Variants in SLC14A2 observed in about 807,000 individuals in gnomAD.
SLC14A2 encodes the protein solute carrier family 14 member 2.
Under a neutral mutation model 104.6 loss-of-function variants are expected in SLC14A2, and 91 were observed. The ratio of observed to expected loss-of-function variants is 0.87; its 90% CI spans 0.73 to 1.04. The LOEUF is 1.04. Among genes scored for constraint, SLC14A2 ranks in the 50% least tolerant of loss-of-function variants. The pLI, the probability that SLC14A2 is intolerant of heterozygous loss-of-function variation, is 0.00. For synonymous variants in SLC14A2, 476 were observed against 466.4 expected (o/e 1.02, Z -0.27); for missense variants, 1,189 against 1,156.0 (o/e 1.03, Z -0.41).
intron 1 of SLC14A2, among the ~76,000 whole-genome samples, chr18:45,401,325 T>C (rs2086093589): frequency 6.6e-6 from 1 of 152,196 alleles, no homozygotes. Context: ...CCCAAAACAA[T>C]AGGTGCCATG....
chr18:45,351,648 G>T (rs1348349835), intron 1 of SLC14A2, among the ~76,000 whole-genome samples: 2 of 152,170 alleles, frequency 1.3e-5, no homozygotes, highest in African/African-American at 4.8e-5. Context: ...GAGCCACCAT[G>T]CCCAGCCTAC....
At chr18:45,257,099 C>T (rs2084487159) in intron 1 of SLC14A2, among the ~76,000 whole-genome samples, 1 of 152,206 alleles carries the variant, frequency 6.6e-6, no homozygotes, top group Admixed American at 6.5e-5. Context: ...GATGCCTCTA[C>T]CATGTTCTTC....
intron 2 of SLC14A2, among the ~76,000 whole-genome samples, chr18:45,503,360 TGC>T (rs2043229499): frequency 6.6e-6 from 1 of 152,216 alleles, no homozygotes; most frequent in African/African-American, 2.4e-5. Flanking sequence ...GGTCATCCCA[TGC>T]TCTGTGCTTA....
intron 1 of SLC14A2, among the ~76,000 whole-genome samples, chr18:45,402,872 G>A (rs1037792908): frequency 4.6e-5 from 7 of 152,224 alleles, no homozygotes; most frequent in Admixed American, 4.6e-4. Context: ...TCATTTCAGA[G>A]AGTGGTGACT....
intron 1 of SLC14A2, among the ~76,000 whole-genome samples, chr18:45,331,278 A>G (rs2085287162): frequency 6.6e-6 from 1 of 152,206 alleles, no homozygotes; most frequent in Non-Finnish European, 1.5e-5. Flanking sequence ...CAAATACTAA[A>G]TTATTTTAAA....
At chr18:45,473,148 G>C (rs548990641) in intron 1 of SLC14A2, among the ~76,000 whole-genome samples, 4 of 152,288 alleles carry the variant, frequency 2.6e-5, no homozygotes, top group South Asian at 4.2e-4. Flanking sequence ...TTTCTCCATT[G>C]CTTGTTTTTG....
At chr18:45,637,298 G>T in intron 6 of SLC14A2, 116 bp downstream of exon 6, 1 of 766,560 alleles carries the variant, frequency 1.3e-6, no homozygotes, top group Non-Finnish European at 2.1e-6. Flanking sequence ...TATACCAGAT[G>T]ATGGGCCTCA....
intron 1 of SLC14A2, among the ~76,000 whole-genome samples, chr18:45,364,329 A>AATGTCT (rs2085645388): frequency 1.3e-5 from 2 of 152,376 alleles, no homozygotes; most frequent in Admixed American, 6.5e-5. Context: ...ACTGAAATTC[A>AATGTCT]ATGTCTTCTG....
chr18:45,408,159 A>C (rs1457283065), intron 1 of SLC14A2, among the ~76,000 whole-genome samples: 2 of 152,152 alleles, frequency 1.3e-5, no homozygotes, highest in Non-Finnish European at 2.9e-5. Flanking sequence ...CTTTGAGCTG[A>C]GGTACAAATG....
At position 45,663,839 on chromosome 18, in the gene SLC14A2, A is replaced by T. The variant is rs371286178; in HGVS notation, c.1406A>T (p.Glu469Val). The change falls in exon 11 of 20, where the codon GAG (glutamate) becomes GTG (valine). Residue 469 changes from glutamate (E) to valine (V), a missense_variant. Physicochemically the swap from Glu to Val is moderately radical, Grantham distance 121. Coordinates refer to ENST00000255226, the MANE Select transcript of SLC14A2 (RefSeq NM_007163.4). ...TAGPKVEEGS[E>V]AVLSKHRSVF... ...GGCCCAAAGGTGGAGGAGGGCTCGGAGGCTGTGCTCTCCAAGCACAGGAGT... is the reference window on the plus strand; with the variant it reads ...GGCCCAAAGGTGGAGGAGGGCTCGGTGGCTGTGCTCTCCAAGCACAGGAGT... 3 of 1,613,172 alleles carry T rather than the reference A, an allele frequency of 1.9e-6. No individual in the cohort carries two copies. The African/African-American group carries it at 4.0e-5, about 22-fold the overall frequency.
chr18:45,197,975 A>G, the SLC14A2 span, among the ~76,000 whole-genome samples: 8 of 152,166 alleles, frequency 5.3e-5, no homozygotes, highest in Admixed American at 6.5e-5. Flanking sequence ...GCCCCTAGGG[A>G]GTAGATAACA....
At chr18:45,488,973 G>A (rs1277344425) in intron 2 of SLC14A2, among the ~76,000 whole-genome samples, 1 of 152,188 alleles carries the variant, frequency 6.6e-6, no homozygotes. Context: ...AGGCTGCAAA[G>A]CCTAAAGGAC....
At position 45,357,003 on chromosome 18, in the gene SLC14A2, G is replaced by A. The variant is rs572415123; in HGVS notation, c.-124-126230G>A. Among the ~76,000 whole-genome samples, 3 of 152,244 alleles carry A rather than the reference G, an allele frequency of 2.0e-5. No individual in the cohort carries two copies. In the East Asian group the frequency reaches 5.8e-4, roughly 29 times the overall value. ...AAGGATGATGCAGCAGGCTTCACTGGCCTCATCTTCACTGGATTTTGACTA... is the reference window on the plus strand; with the variant it reads ...AAGGATGATGCAGCAGGCTTCACTGACCTCATCTTCACTGGATTTTGACTA... On this transcript the variant is annotated intron_variant, in intron 1 of 20. Coordinates refer to the SLC14A2 transcript ENST00000586448.
chr18:45,578,141 T>C (rs2044439616), intron 2 of SLC14A2, among the ~76,000 whole-genome samples: 2 of 152,142 alleles, frequency 1.3e-5, no homozygotes, highest in Admixed American at 1.3e-4. Flanking sequence ...CCTTTAACCA[T>C]TCAAGTCCTG....
intron 1 of SLC14A2, among the ~76,000 whole-genome samples, chr18:45,315,513 C>G (rs1236326056): frequency 6.6e-6 from 1 of 152,138 alleles, no homozygotes; most frequent in Admixed American, 6.5e-5. Context: ...CCTGATTAGA[C>G]AGGTAAACAA....
At position 45,478,136 on chromosome 18, in the gene SLC14A2, G is replaced by A. The variant is rs189243791; in HGVS notation, c.-124-5097G>A. ...GTGTAGGCACCCAAGGGAATCTCCT[G>A]GTCTGTGGGTTGCAAAGACCATGGG... On this transcript the variant is annotated intron_variant, in intron 1 of 20. Transcript: ENST00000586448. Among the ~76,000 whole-genome samples the A allele has an allele frequency of 2.7e-4, 41 of 152,306 alleles. 1 individual carries two copies. The Middle Eastern group carries it at 0.014, about 51-fold the overall frequency.
At chr18:45,519,810 C>A (rs756760797) in intron 2 of SLC14A2, among the ~76,000 whole-genome samples, 4 of 152,126 alleles carry the variant, frequency 2.6e-5, no homozygotes, top group Admixed American at 6.5e-5. Flanking sequence ...TGTGGTTTAG[C>A]AGCCCTTTGT....
rs117672905 is a variant in SLC14A2 at position 45,273,434 on chromosome 18, C to T, written c.-125+60243C>T. 9.2e-5 allele frequency among the ~76,000 whole-genome samples: 14 copies of T among 152,186 alleles called. No homozygotes were observed. The East Asian group carries it at 1.4e-3, about 15-fold the overall frequency. On this transcript the variant is annotated intron_variant, in intron 1 of 20. Coordinates refer to the SLC14A2 transcript ENST00000586448. The stretch of plus-strand genomic sequence containing the variant: ...TTCTCTGGAGGTAAAATCAAGATAA[C>T]GTTCAAACCATAGAGCCTTTAAATG...
chr18:45,425,663 C>A (rs1287665343), intron 1 of SLC14A2, among the ~76,000 whole-genome samples: 1 of 152,162 alleles, frequency 6.6e-6, no homozygotes, highest in East Asian at 1.9e-4. Context: ...AATAGACTCA[C>A]TGAAAGTATT....
Sources: gnomAD v4.1 joint callset for allele counts (sites outside exome capture counted in the v4.1 genomes callset) on GRCh38, gnomAD v4.1.1 for gene constraint, MANE v1.5 for transcripts, NCBI Gene and HGNC (gene_info 2026-07-23, HGNC 2026-07-21) for gene names.